Variants in CNTN4 observed in about 807,000 individuals in gnomAD.
The protein encoded by CNTN4 is contactin 4.
In CNTN4, 77 loss-of-function variants were observed where a neutral mutation model predicts 122.5. That is an observed-to-expected ratio of 0.63 (90% CI 0.52 to 0.76). CNTN4 has a LOEUF of 0.76. Among genes scored for constraint, CNTN4 ranks in the 30% least tolerant of loss-of-function variants. CNTN4 has a pLI of 0.00. For synonymous variants in CNTN4, 512 were observed against 447.0 expected (o/e 1.15, Z -1.83); for missense variants, 1,256 against 1,259.1 (o/e 1.00, Z 0.04).
At chr3:2,300,132 C>T (rs1039628279) in intron 2 of CNTN4, among the ~76,000 whole-genome samples, 5 of 152,072 alleles carry the variant, frequency 3.3e-5, no homozygotes, top group African/African-American at 1.2e-4. Flanking sequence ...TTATTTATAG[C>T]CCCTGCAAAC....
chr3:2,116,512 CTG>C (rs1250273881), intron 2 of CNTN4, among the ~76,000 whole-genome samples: 2 of 152,128 alleles, frequency 1.3e-5, no homozygotes, highest in Admixed American at 6.5e-5. Context: ...TTTTAGGAAA[CTG>C]TAGTTGAATA....
intron 13 of CNTN4, among the ~76,000 whole-genome samples, chr3:2,940,583 G>A (rs1026252767): frequency 2.4e-4 from 36 of 152,128 alleles, no homozygotes; most frequent in African/African-American, 7.7e-4. Flanking sequence ...ACACTGTGTC[G>A]AAGAAGGAGT....
intron 4 of CNTN4, among the ~76,000 whole-genome samples, chr3:2,573,395 C>A (rs1227710436): frequency 1.3e-5 from 2 of 152,170 alleles, no homozygotes; most frequent in Non-Finnish European, 2.9e-5. Flanking sequence ...GAGCCTTCAT[C>A]TTCCTCCCAG....
In CNTN4 at chr3:2,677,548, C is replaced by T. The variant is rs10452000; in HGVS notation, c.56-58667C>T. 8.2e-3 allele frequency among the ~76,000 whole-genome samples: 1,204 copies of T among 147,182 alleles called. 12 individuals carry two copies. Among genetic ancestry groups the T allele is most frequent in the African/African-American group, 0.027 (1,076 of 39,890 alleles). ...TGTAGAGAGAAAGAGCACACACTTA[C>T]GACTGGTTTATCTTAACAGGAGCTT... On this transcript the variant is annotated intron_variant, in intron 4 of 24. Transcript: ENST00000418658.
intron 2 of CNTN4, among the ~76,000 whole-genome samples, chr3:2,214,310 G>A (rs1027564825): frequency 2.0e-5 from 3 of 152,054 alleles, no homozygotes; most frequent in Non-Finnish European, 4.4e-5. Context: ...GGAGCAGTGG[G>A]GGGTTTGTCT....
intron 3 of CNTN4, among the ~76,000 whole-genome samples, chr3:2,505,183 A>G (rs2076699932): frequency 6.6e-6 from 1 of 152,182 alleles, no homozygotes; most frequent in Non-Finnish European, 1.5e-5. Flanking sequence ...ATTTACTGAC[A>G]AAGTGTCATG....
At position 2,125,877 on chromosome 3, in the gene CNTN4, G is replaced by T. The variant is rs1409284103; in HGVS notation, c.-145+25238G>T. On this transcript the variant is annotated intron_variant, in intron 2 of 24. Coordinates refer to ENST00000418658, the MANE Select transcript of CNTN4 (RefSeq NM_175607.3). The stretch of plus-strand genomic sequence containing the variant: ...GGCCTTCTATGAAGATTTATAAGTT[G>T]CTCAGTTTTTATTTCTGGTGTGTGT... Among the ~76,000 whole-genome samples, 3 of 142,726 alleles carry T rather than the reference G, an allele frequency of 2.1e-5. No individual in the cohort carries two copies. The East Asian group carries it at 6.5e-4, about 31-fold the overall frequency. 93.6% of individuals were successfully genotyped at this position (142,726 alleles called of 152,430 possible).
intron 3 of CNTN4, among the ~76,000 whole-genome samples, chr3:2,357,647 G>A (rs1234048298): frequency 6.6e-6 from 1 of 152,176 alleles, no homozygotes; most frequent in Non-Finnish European, 1.5e-5. Flanking sequence ...AACAAGATGA[G>A]TAACTTGGGC....
At chr3:2,557,131 T>G (rs896320022) in intron 3 of CNTN4, among the ~76,000 whole-genome samples, 6 of 152,190 alleles carry the variant, frequency 3.9e-5, no homozygotes, top group African/African-American at 7.2e-5. Flanking sequence ...CTCAGATTTT[T>G]TTTGCAGATG....
intron 6 of CNTN4, among the ~76,000 whole-genome samples, chr3:2,778,137 CCA>C: frequency 7.2e-6 from 1 of 139,640 alleles, no homozygotes; most frequent in Non-Finnish European, 1.5e-5. Context: ...TGGCGGGAAC[CCA>C]GGAAGCGGAG....
At chr3:2,775,296 C>T (rs552381968) in intron 6 of CNTN4, among the ~76,000 whole-genome samples, 4 of 152,154 alleles carry the variant, frequency 2.6e-5, no homozygotes, top group African/African-American at 2.4e-5. Flanking sequence ...CTTCTCCTCC[C>T]GTGTTCTCCC....
intron 4 of CNTN4, among the ~76,000 whole-genome samples, chr3:2,719,507 C>T (rs568482288): frequency 6.0e-4 from 91 of 152,206 alleles, no homozygotes; most frequent in African/African-American, 2.1e-3. Flanking sequence ...AGGCTGATCT[C>T]GAATTTCTGA....
intron 2 of CNTN4, among the ~76,000 whole-genome samples, chr3:2,299,132 CA>C: frequency 6.6e-6 from 1 of 152,004 alleles, no homozygotes; most frequent in South Asian, 2.1e-4. Flanking sequence ...TGAAAATGGA[CA>C]GGAAATCTTT....
intron 4 of CNTN4, among the ~76,000 whole-genome samples, chr3:2,685,762 C>A (rs2085400995): frequency 6.6e-6 from 1 of 152,000 alleles, no homozygotes; most frequent in Non-Finnish European, 1.5e-5. Flanking sequence ...GCCTTGCTTT[C>A]CCTTTGTTAT....
chr3:2,160,772 A>G (rs1485058198), intron 2 of CNTN4, among the ~76,000 whole-genome samples: 1 of 152,160 alleles, frequency 6.6e-6, no homozygotes, highest in Non-Finnish European at 1.5e-5. Context: ...AGGAATGTAT[A>G]CGGTGCGTAT....
chr3:2,748,797 T>A (rs1265653885), intron 6 of CNTN4, among the ~76,000 whole-genome samples: 2 of 152,210 alleles, frequency 1.3e-5, no homozygotes, highest in Admixed American at 1.3e-4. Flanking sequence ...GCCAGAGTAA[T>A]CTTTTAAAAA....
At chr3:2,505,894 G>C (rs987155241) in intron 3 of CNTN4, among the ~76,000 whole-genome samples, 1 of 152,112 alleles carries the variant, frequency 6.6e-6, no homozygotes, top group Non-Finnish European at 1.5e-5. Context: ...GAATCAGTTG[G>C]GGAGAAAACA....
intron 2 of CNTN4, among the ~76,000 whole-genome samples, chr3:2,106,770 C>G (rs1275616718): frequency 6.6e-6 from 1 of 152,228 alleles, no homozygotes; most frequent in Non-Finnish European, 1.5e-5. Context: ...GCTTGAATTT[C>G]TCCCCAGAAA....
intron 7 of CNTN4, among the ~76,000 whole-genome samples, chr3:2,828,199 A>G (rs1414426625): frequency 1.3e-5 from 2 of 152,144 alleles, no homozygotes; most frequent in Non-Finnish European, 2.9e-5. Context: ...AAAAACACAC[A>G]TAACAAATGA....
Sources: allele counts gnomAD v4.1 joint callset (sites outside exome capture counted in the v4.1 genomes callset), GRCh38; gene constraint gnomAD v4.1.1; transcripts MANE v1.5; gene names NCBI Gene and HGNC (gene_info 2026-07-23, HGNC 2026-07-21).